SEL1L2: variants seen among roughly 807,000 people sequenced by gnomAD.
SEL1L2 encodes protein sel-1 homolog 2.
A neutral mutation model predicts 98.8 loss-of-function variants in SEL1L2; 89 were observed. That is an observed-to-expected ratio of 0.90 (90% confidence interval 0.76 to 1.07). The LOEUF is 1.07. SEL1L2 is among the 50% of genes least tolerant of loss of function. The pLI, the probability that SEL1L2 is intolerant of heterozygous loss-of-function variation, is 0.00. For synonymous variants in SEL1L2, 262 were observed against 278.5 expected (o/e 0.94, Z 0.59); for missense variants, 788 against 812.0 (o/e 0.97, Z 0.36).
chr20:13,938,625 A>T (rs974507477), intron 2 of SEL1L2, among the ~76,000 whole-genome samples: 6 of 152,196 alleles, frequency 3.9e-5, no homozygotes, highest in Non-Finnish European at 4.4e-5. Flanking sequence ...TAACAATTTG[A>T]TTGACATTCC....
At chr20:13,931,312 G>A (rs1156855627) in intron 3 of SEL1L2, among the ~76,000 whole-genome samples, 1 of 151,928 alleles carries the variant, frequency 6.6e-6, no homozygotes, top group Non-Finnish European at 1.5e-5. Context: ...TTACAGGCGT[G>A]AGCCACCGCG....
intron 1 of SEL1L2, among the ~76,000 whole-genome samples, chr20:13,988,410 T>C (rs1188699031): frequency 6.6e-6 from 1 of 152,192 alleles, no homozygotes; most frequent in Non-Finnish European, 1.5e-5. Flanking sequence ...CCAGCACCAT[T>C]TGTTGGAGAG....
chr20:13,983,277 T>C (rs992197038), intron 1 of SEL1L2, among the ~76,000 whole-genome samples: 1 of 151,982 alleles, frequency 6.6e-6, no homozygotes, highest in African/African-American at 2.4e-5. Flanking sequence ...TGAATAGTTA[T>C]GTCCCCCTCA....
At chr20:13,876,950 A>G (rs1323359384) in intron 11 of SEL1L2, among the ~76,000 whole-genome samples, 2 of 152,042 alleles carry the variant, frequency 1.3e-5, no homozygotes, top group South Asian at 4.1e-4. Context: ...CAGCCTCCCA[A>G]GTAGCTGGGA....
At chr20:13,882,812 CT>C (rs759286946) in intron 10 of SEL1L2, among the ~76,000 whole-genome samples, 11,802 of 106,434 alleles carry the variant, frequency 0.11, 196 homozygotes, top group East Asian at 0.24. Context: ...GTCAATTTGT[CT>C]TTTTTTTTTT....
Position 13,885,401 on chromosome 20 carries a change from G to T in SEL1L2, c.903C>A (p.Val301=). The T allele has an allele frequency of 1.3e-6, 2 of 1,593,908 alleles. No individual in the cohort carries two copies. The highest frequency in any genetic ancestry group is 1.1e-5 in the South Asian group (1 of 90,582). ...LAERGDVQIQ[V]SLGQLHLIGR... Reference sequence around the variant, plus strand: ...CAATTAGATGTAATTGTCCAAGAGAGACCTAGGAATGATGAGTTTGGAAAT... The same window carrying T: ...CAATTAGATGTAATTGTCCAAGAGATACCTAGGAATGATGAGTTTGGAAAT... Residue 301 remains valine (V), a splice_region_variant and synonymous_variant, in exon 10 of 20, where the codon GTC becomes GTA. Coordinates refer to ENST00000284951, the MANE Select transcript of SEL1L2 (RefSeq NM_025229.2).
chr20:13,853,773 T>C (rs1006854387), intron 18 of SEL1L2, among the ~76,000 whole-genome samples: 1 of 152,184 alleles, frequency 6.6e-6, no homozygotes, highest in African/African-American at 2.4e-5. Flanking sequence ...CTTCTAGTAT[T>C]CTCACTTAAT....
intron 1 of SEL1L2, among the ~76,000 whole-genome samples, chr20:13,965,521 T>C (rs1338115214): frequency 6.6e-6 from 1 of 152,206 alleles, no homozygotes; most frequent in Non-Finnish European, 1.5e-5. Context: ...TCAGACCCAG[T>C]CATTTCATGC....
chr20:13,900,621 A>G (rs2047627556), intron 5 of SEL1L2, among the ~76,000 whole-genome samples: 1 of 152,202 alleles, frequency 6.6e-6, no homozygotes, highest in South Asian at 2.1e-4. Flanking sequence ...TTTTCTATAC[A>G]GGCGACATAT....
chr20:13,971,592 ATT>A (rs34169464), intron 1 of SEL1L2, among the ~76,000 whole-genome samples: 2 of 144,734 alleles, frequency 1.4e-5, no homozygotes, highest in Admixed American at 6.9e-5. Context: ...TAGCTAGCTA[ATT>A]TTTTTTTTTT....
At chr20:13,957,740 T>C (rs1057029836) in intron 1 of SEL1L2, among the ~76,000 whole-genome samples, 2 of 152,064 alleles carry the variant, frequency 1.3e-5, no homozygotes, top group African/African-American at 2.4e-5. Flanking sequence ...TAGCCAGCTA[T>C]GGTGGCATGC....
chr20:13,955,741 G>A (rs2148444749), intron 2 of SEL1L2, among the ~76,000 whole-genome samples: 1 of 152,254 alleles, frequency 6.6e-6, no homozygotes, highest in African/African-American at 2.4e-5. Context: ...GACTTTATAA[G>A]CCAGGTGGGT....
At chr20:13,904,459 T>C (rs1969694) in intron 5 of SEL1L2, among the ~76,000 whole-genome samples, 115,408 of 151,990 alleles carry the variant, frequency 0.76, 44,109 homozygotes, top group East Asian at 0.91. Context: ...ACCTGGGAGG[T>C]GGAGGTTGTA....
intron 5 of SEL1L2, among the ~76,000 whole-genome samples, chr20:13,909,958 G>A (rs1600713093): frequency 6.6e-6 from 1 of 152,022 alleles, no homozygotes; most frequent in South Asian, 2.1e-4. Context: ...GCAACAGAAC[G>A]AGACTCTGTC....
chr20:13,929,625 C>T (rs958719363), intron 3 of SEL1L2, among the ~76,000 whole-genome samples: 1 of 150,770 alleles, frequency 6.6e-6, no homozygotes, highest in African/African-American at 2.4e-5. Flanking sequence ...CTCAGCCTCC[C>T]GAGTAGCTTG....
intron 5 of SEL1L2, among the ~76,000 whole-genome samples, chr20:13,906,887 C>A (rs1342642259): frequency 6.6e-6 from 1 of 152,154 alleles, no homozygotes; most frequent in Non-Finnish European, 1.5e-5. Context: ...CCATGTTGGC[C>A]AGGCTGATCT....
At chr20:13,872,640 A>G (rs929193565) in intron 12 of SEL1L2, among the ~76,000 whole-genome samples, 13 of 152,150 alleles carry the variant, frequency 8.5e-5, no homozygotes, top group Admixed American at 7.2e-4. Context: ...GAGGGAAGGA[A>G]GAAGGGAGAG....
At chr20:13,889,716 G>C (rs551259463) in intron 5 of SEL1L2, among the ~76,000 whole-genome samples, 1 of 152,096 alleles carries the variant, frequency 6.6e-6, no homozygotes, top group Non-Finnish European at 1.5e-5. Context: ...GTGTGAACCC[G>C]GGAGGCGGAG....
chr20:13,931,806 T>C (rs766906909), intron 2 of SEL1L2, 35 bp from the exon 3 acceptor site: 1 of 1,443,194 alleles, frequency 6.9e-7, no homozygotes, highest in South Asian at 1.5e-5. Flanking sequence ...ATTTTGTTCA[T>C]GTGTGAGTTT....
Sources: allele counts gnomAD v4.1 joint callset (sites outside exome capture counted in the v4.1 genomes callset), GRCh38; gene constraint gnomAD v4.1.1; transcripts MANE v1.5; gene names NCBI Gene and HGNC (gene_info 2026-07-23, HGNC 2026-07-21).